WDR62: variants seen among roughly 807,000 people sequenced by gnomAD.
WDR62 encodes WD repeat-containing protein 62.
WDR62 carries 112 observed loss-of-function variants against 160.6 expected under a neutral mutation model. The observed-to-expected ratio is 0.70, with a 90% confidence interval of 0.60 to 0.82. WDR62 has a LOEUF of 0.82. Ranked by LOEUF, WDR62 falls within the 40% of genes least tolerant of loss-of-function variation. The pLI, the probability that WDR62 is intolerant of heterozygous loss-of-function variation, is 0.00. For synonymous variants in WDR62, 792 were observed against 815.1 expected, an observed-to-expected ratio of 0.97 and a Z score of 0.48; for missense variants, 1,819 against 1,983.8, an observed-to-expected ratio of 0.92 and a Z score of 1.58.
At position 36,059,956 on chromosome 19, in the gene WDR62, C is replaced by T. The variant is rs1970561493; in HGVS notation, c.270-12C>T. 1.2e-6 allele frequency: 2 copies of T among 1,614,168 alleles called. No homozygotes were observed. Among genetic ancestry groups the T allele is most frequent in the Admixed American group, 1.7e-5 (1 of 60,030 alleles). The stretch of plus-strand genomic sequence containing the variant: ...CCCCACAGTTGAGGCACATTTTCCT[C>T]TTTCTTCCCAGCTGTGTGGTGGTGA... On this transcript the variant is annotated splice_polypyrimidine_tract_variant and intron_variant, in intron 2 of 31. Transcript: ENST00000401500.
downstream of WDR62, among the ~76,000 whole-genome samples, chr19:36,105,627 G>A (rs1033533556): frequency 4.6e-5 from 7 of 152,044 alleles, no homozygotes; most frequent in African/African-American, 9.7e-5. Flanking sequence ...TGGGAGGATC[G>A]CTTGAGGCCA....
intron 19 of WDR62, among the ~76,000 whole-genome samples, chr19:36,093,804 G>A (rs1179478041): frequency 1.3e-5 from 2 of 152,226 alleles, no homozygotes; most frequent in Non-Finnish European, 2.9e-5. Context: ...CTGTGGCCCT[G>A]AGAGTTTGCA....
In WDR62 at chr19:36,098,261, C is replaced by CT. The variant is rs553385598; in HGVS notation, c.2521-1136dup. On this transcript the variant is annotated intron_variant, in intron 21 of 31. Transcript: ENST00000401500. Reference sequence around the variant, plus strand: ...TGGATGGCAGAACGAGACCTTGTCTCTTAAAAAAAAAAAAAGAAAAAGAGA... The same window carrying CT: ...TGGATGGCAGAACGAGACCTTGTCTCTTTAAAAAAAAAAAAAGAAAAAGAGA... 2.8e-3 allele frequency among the ~76,000 whole-genome samples: 411 copies of CT among 149,056 alleles called. 3 individuals carry two copies. The highest frequency in any genetic ancestry group is 9.7e-3 in the African/African-American group (393 of 40,346).
intron 6 of WDR62, 34 bp from the exon 7 acceptor site, chr19:36,067,794 G>A: frequency 1.2e-6 from 2 of 1,611,490 alleles, no homozygotes; most frequent in Non-Finnish European, 1.7e-6. Flanking sequence ...CAGCTGTGTG[G>A]ACAAGTATCT....
At chr19:36,089,588 C>T (rs552386886) in intron 15 of WDR62, among the ~76,000 whole-genome samples, 3 of 152,270 alleles carry the variant, frequency 2.0e-5, no homozygotes, top group Admixed American at 6.5e-5. Context: ...ATTACAGGCG[C>T]CTGCCACCAT....
intron 6 of WDR62, 92 bp downstream of exon 6, chr19:36,067,535 C>A: frequency 1.3e-6 from 2 of 1,581,604 alleles, no homozygotes; most frequent in Non-Finnish European, 1.7e-6. Flanking sequence ...GATTTGAGGG[C>A]AGCGGTCTCG....
At chr19:36,104,735 G>C in intron 31 of WDR62, 33 bp from the exon 32 acceptor site, 1 of 1,613,808 alleles carries the variant, frequency 6.2e-7, no homozygotes, top group Non-Finnish European at 8.5e-7. Context: ...GCCCGGCCTT[G>C]GTGGCCCCTG....
intron 7 of WDR62, 47 bp downstream of exon 7, chr19:36,068,057 A>AT: frequency 6.3e-7 from 1 of 1,583,236 alleles, no homozygotes; most frequent in Non-Finnish European, 8.6e-7. Flanking sequence ...CTTTCTCGTG[A>AT]TATGTGTCTG....
Position 36,100,811 on chromosome 19 carries a change from T to C in WDR62, c.2803T>C (p.Ser935Pro). ...CTTCCTGCCCCAGCAGAAGGAATCA[T>C]CTGAGGCCAGTGAGCTCATCCTCTA... ...PSFLPQQKES[S>P]EASELILYSL... Residue 935 changes from serine (S) to proline (P), a missense_variant, in exon 23 of 32, where the codon TCT (serine) becomes CCT (proline). By Grantham distance (74) the Ser-to-Pro change is moderately conservative. Around this residue, in one of 3 missense-constraint regions of WDR62, gnomAD observed 934 missense variants for 1,157.2 expected, o/e 0.81. Transcript: ENST00000401500. 6.2e-7 allele frequency: 1 copy of C among 1,614,222 alleles called. No individual in the cohort carries two copies. The highest frequency in any genetic ancestry group is 8.5e-7 in the Non-Finnish European group (1 of 1,180,030).
chr19:36,083,199 A>G lies in WDR62; in HGVS notation c.1508A>G (p.Asp503Gly). ...AGVRVMQVSP[D>G]GQHLASGDRS... is the part of the protein sequence containing the mutation. Reference sequence around the variant, plus strand: ...GTGCGGGTCATGCAGGTCAGTCCTGACGGCCAGCATTTGGCTTCAGGCGAC... The same window carrying G: ...GTGCGGGTCATGCAGGTCAGTCCTGGCGGCCAGCATTTGGCTTCAGGCGAC... The change falls in exon 11 of 32, where the codon GAC becomes GGC. Residue 503 changes from aspartate to glycine, a missense_variant. Transcript: ENST00000401500. 1 of 1,610,328 alleles carries G rather than the reference A, an allele frequency of 6.2e-7. No homozygotes were observed. Among genetic ancestry groups the G allele is most frequent in the Admixed American group, 1.7e-5 (1 of 59,538 alleles).
Position 36,086,876 on chromosome 19 carries a change from T to C in WDR62, c.1768+64T>C, listed in dbSNP as rs1225774089. On this transcript the variant is annotated intron_variant, in intron 13 of 31. Transcript: ENST00000401500. ...TACCCTGCTAAAAAAGGATTCATTC[T>C]TTCAACTCTCCTGTAAAATATATAT... 3.8e-6 allele frequency: 6 copies of C among 1,570,872 alleles called. No individual in the cohort carries two copies. In the Admixed American group the frequency reaches 8.8e-5, roughly 23 times the overall value.
In WDR62 at chr19:36,084,633, G is replaced by A. The variant is rs767648076; in HGVS notation, c.1551-20G>A. ...TGGGGCTGGGGTGTGGGGCTTCAGC[G>A]GGCGGTGTGTGTCTCCCAGGATCCA... On this transcript the variant is annotated intron_variant, in intron 11 of 31. Transcript: ENST00000401500. The A allele has an allele frequency of 2.1e-5, 34 of 1,612,580 alleles. No homozygotes were observed. Among genetic ancestry groups the A allele is most frequent in the Non-Finnish European group, 2.5e-5 (29 of 1,179,346 alleles).
At chr19:36,096,667 C>T (rs540970004) in intron 20 of WDR62, among the ~76,000 whole-genome samples, 6 of 151,034 alleles carry the variant, frequency 4.0e-5, no homozygotes, top group African/African-American at 9.7e-5. Context: ...GCCGAGATCG[C>T]GCCACTGCAC....
In WDR62 at chr19:36,073,535, A is replaced by AGGGGGGGG; in HGVS notation, c.1233+5_1233+6insGGGGGGGG. The stretch of plus-strand genomic sequence containing the variant: ...CTCCTACGTTTGGAACGTGGAGGTG[A>AGGGGGGGG]GCCCCCCCCCCACCCCCTTGCCCCT... On this transcript the variant is annotated splice_donor_region_variant and intron_variant, in intron 9 of 31. Coordinates refer to ENST00000401500, the MANE Select transcript of WDR62 (RefSeq NM_001083961.2). 1 of 1,433,110 alleles carries AGGGGGGGG rather than the reference A, an allele frequency of 7.0e-7. No homozygotes were observed. The highest frequency in any genetic ancestry group is 9.7e-7 in the Non-Finnish European group (1 of 1,026,820). 88.8% of individuals were successfully genotyped at this position (1,433,110 alleles called of 1,614,324 possible).
chr19:36,102,743 TC>T lies in WDR62; in HGVS notation c.3231del (p.Ala1078GlnfsTer20), dbSNP rs1350676059. On this transcript the variant is annotated frameshift_variant, in exon 27 of 32. Transcript: ENST00000401500. LOFTEE classifies it high-confidence loss of function. ...TLTESPCREL[F>X]PAALGDVEAS... is the part of the protein sequence containing the mutation. ...CCTCGGGATCTTCCCCTAGAGCTCTTCCCCGCAGCTCTGGGAGACGTGGAGG... is the reference window on the plus strand; with the variant it reads ...CCTCGGGATCTTCCCCTAGAGCTCTTCCCGCAGCTCTGGGAGACGTGGAGG... The T allele has an allele frequency of 1.9e-6, 3 of 1,613,866 alleles. No homozygotes were observed. Among genetic ancestry groups the T allele is most frequent in the Non-Finnish European group, 1.7e-6 (2 of 1,179,866 alleles).
intron 11 of WDR62, 57 bp downstream of exon 11, chr19:36,083,298 A>C: frequency 5.5e-5 from 85 of 1,531,604 alleles, no homozygotes; most frequent in Non-Finnish European, 7.0e-5. Context: ...TCAGGTTCTC[A>C]GGGCAGTGGG....
downstream of WDR62, among the ~76,000 whole-genome samples, chr19:36,108,410 A>G (rs1177309674): frequency 6.6e-6 from 1 of 150,646 alleles, no homozygotes; most frequent in Non-Finnish European, 1.5e-5. Context: ...TAGCAGTACC[A>G]TCAGGACAGC....
intron 3 of WDR62, among the ~76,000 whole-genome samples, chr19:36,065,412 G>C (rs1332974360): frequency 6.6e-6 from 1 of 152,258 alleles, no homozygotes; most frequent in Non-Finnish European, 1.5e-5. Flanking sequence ...AGTGAATCTT[G>C]CTGCCAGAAA....
At position 36,101,210 on chromosome 19, in the gene WDR62, G is replaced by A. The variant is rs1973310262; in HGVS notation, c.2868-4G>A. ...TTCCCTCTCTGCCCCCACTGGCACT[G>A]CAGCCAGTATTGCAGGAAGGAGGTG... On this transcript the variant is annotated splice_region_variant and splice_polypyrimidine_tract_variant and intron_variant, in intron 23 of 31. Coordinates refer to ENST00000401500, the MANE Select transcript of WDR62 (RefSeq NM_001083961.2). The A allele has an allele frequency of 1.2e-6, 2 of 1,609,446 alleles. No individual in the cohort carries two copies. The highest frequency in any genetic ancestry group is 1.6e-4 in the Middle Eastern group (1 of 6,078).
Sources: gnomAD v4.1 joint callset for allele counts (sites outside exome capture counted in the v4.1 genomes callset) on GRCh38, gnomAD v4.1.1 for gene constraint, gnomAD v4.1.1 regional missense constraint, MANE v1.5 for transcripts, NCBI Gene and HGNC (gene_info 2026-07-23, HGNC 2026-07-21) for gene names.